NR6A1: variants seen among roughly 807,000 people sequenced by gnomAD.
NR6A1 encodes nuclear receptor subfamily 6 group A member 1, also known as retinoic acid receptor-related testis-associated receptor.
Under a neutral mutation model 59.1 loss-of-function variants are expected in NR6A1, and 7 were observed. That is an observed-to-expected ratio of 0.12 (90% confidence interval 0.07 to 0.22). The LOEUF is 0.22. Ranked by LOEUF, NR6A1 falls within the 10% of genes least tolerant of loss-of-function variation. The pLI is 1.00. For missense variants in NR6A1, 468 were observed against 611.6 expected, an observed-to-expected ratio of 0.77 and a Z score of 2.48; for synonymous variants, 243 against 236.1, an observed-to-expected ratio of 1.03 and a Z score of -0.27.
At chr9:124,752,648 G>A (rs1234117554) in intron 1 of NR6A1, among the ~76,000 whole-genome samples, 1 of 152,066 alleles carries the variant, frequency 6.6e-6, no homozygotes, top group Admixed American at 6.5e-5. Context: ...TGTTTATGAT[G>A]TCTTTACAGT....
chr9:124,586,245 C>A (rs1834929595), intron 2 of NR6A1, among the ~76,000 whole-genome samples: 1 of 152,014 alleles, frequency 6.6e-6, no homozygotes, highest in African/African-American at 2.4e-5. Context: ...ATTCTAGATG[C>A]CATTAAGGAC....
At chr9:124,679,900 G>T (rs1386770635) in intron 2 of NR6A1, among the ~76,000 whole-genome samples, 1 of 106,064 alleles carries the variant, frequency 9.4e-6, no homozygotes, top group Non-Finnish European at 2.0e-5. Context: ...CCATCTCAAA[G>T]AGAAAAAAAA....
chr9:124,688,297 C>T (rs1838409271), intron 2 of NR6A1, among the ~76,000 whole-genome samples: 1 of 151,902 alleles, frequency 6.6e-6, no homozygotes, highest in Non-Finnish European at 1.5e-5. Context: ...TGCACCTCAG[C>T]CTGGGCAACA....
intron 2 of NR6A1, among the ~76,000 whole-genome samples, chr9:124,576,025 G>A (rs927503297): frequency 2.6e-5 from 4 of 152,136 alleles, no homozygotes; most frequent in Non-Finnish European, 5.9e-5. Flanking sequence ...TGCCTGGGGC[G>A]TACTGGGTTT....
intron 2 of NR6A1, among the ~76,000 whole-genome samples, chr9:124,691,892 A>T (rs1047974882): frequency 6.6e-6 from 1 of 152,186 alleles, no homozygotes; most frequent in African/African-American, 2.4e-5. Flanking sequence ...AGAAATTTAC[A>T]TGTTTGACTT....
chr9:124,724,030 TCAA>T (rs780385137), intron 2 of NR6A1, among the ~76,000 whole-genome samples: 13 of 152,220 alleles, frequency 8.5e-5, no homozygotes, highest in African/African-American at 1.4e-4. Flanking sequence ...ATCTAAATGC[TCAA>T]CAATAGGAGG....
rs1003628194 is a variant in NR6A1 at position 124,521,071 on chromosome 9, G to A, written c.*1634C>T. ...GTTGAGGAGACAGCAAACAGCCTTTGACTAAATAGGCAGAAGAAGGTGCCG... is the reference window on the plus strand; with the variant it reads ...GTTGAGGAGACAGCAAACAGCCTTTAACTAAATAGGCAGAAGAAGGTGCCG... On this transcript the variant is annotated 3_prime_UTR_variant, in exon 10 of 10. Transcript: ENST00000487099. 1.2e-4 allele frequency: 19 copies of A among 152,356 alleles called. No individual in the cohort carries two copies. The highest frequency in any genetic ancestry group is 4.6e-4 in the African/African-American group (19 of 41,582). 9.4% of individuals were successfully genotyped at this position (152,356 alleles called of 1,614,324 possible). A position where few individuals can be genotyped will look rare whatever the true frequency, so the allele number is the denominator to read the frequency against.
chr9:124,651,504 T>C (rs1443120253), intron 2 of NR6A1, among the ~76,000 whole-genome samples: 1 of 152,206 alleles, frequency 6.6e-6, no homozygotes, highest in Non-Finnish European at 1.5e-5. Flanking sequence ...AATACCAACT[T>C]AATAAGAATG....
chr9:124,731,644 T>C (rs147350962), intron 2 of NR6A1, among the ~76,000 whole-genome samples: 1 of 152,306 alleles, frequency 6.6e-6, no homozygotes, highest in Non-Finnish European at 1.5e-5. Context: ...TCCTTCAGCA[T>C]GAAGGTGGTG....
intron 2 of NR6A1, among the ~76,000 whole-genome samples, chr9:124,702,711 G>A (rs1192754423): frequency 2.6e-5 from 4 of 151,974 alleles, no homozygotes; most frequent in South Asian, 2.1e-4. Flanking sequence ...CATGTGATGT[G>A]CCTTTTCCCC....
intron 2 of NR6A1, among the ~76,000 whole-genome samples, chr9:124,696,204 C>T (rs1340778783): frequency 6.6e-6 from 1 of 152,064 alleles, no homozygotes; most frequent in East Asian, 1.9e-4. Context: ...AAATGCTAAA[C>T]TCAGCAAGGA....
chr9:124,758,018 T>C (rs548263634), intron 1 of NR6A1, among the ~76,000 whole-genome samples: 1 of 152,358 alleles, frequency 6.6e-6, no homozygotes. Flanking sequence ...AAATGTTAAA[T>C]GCACTTCTTC....
At chr9:124,675,739 G>A (rs1443595986) in intron 2 of NR6A1, among the ~76,000 whole-genome samples, 1 of 152,106 alleles carries the variant, frequency 6.6e-6, no homozygotes, top group Non-Finnish European at 1.5e-5. Flanking sequence ...AAAATATGAT[G>A]GTTAGCAACA....
chr9:124,526,953 G>A (rs369472872), intron 7 of NR6A1, 53 bp from the exon 8 acceptor site: 7 of 1,606,742 alleles, frequency 4.4e-6, no homozygotes, highest in African/African-American at 2.7e-5. Context: ...GTAGGGGCCA[G>A]GAAAGGGCAG....
chr9:124,565,925 A>C (rs1180121420), intron 2 of NR6A1, among the ~76,000 whole-genome samples: 1 of 152,250 alleles, frequency 6.6e-6, no homozygotes, highest in African/African-American at 2.4e-5. Context: ...AAAGTGGAAG[A>C]GACATCTATC....
intron 2 of NR6A1, among the ~76,000 whole-genome samples, chr9:124,604,653 A>G (rs1454297514): frequency 6.6e-6 from 1 of 151,960 alleles, no homozygotes; most frequent in Non-Finnish European, 1.5e-5. Flanking sequence ...TACCAAAAAT[A>G]CAAAAAATTA....
intron 1 of NR6A1, among the ~76,000 whole-genome samples, chr9:124,761,556 G>A (rs1588862274): frequency 6.6e-6 from 1 of 152,312 alleles, no homozygotes; most frequent in East Asian, 1.9e-4. Flanking sequence ...ACCAGAGGAA[G>A]AGATGCCTCT....
chr9:124,722,310 G>C (rs1264275926), intron 2 of NR6A1, among the ~76,000 whole-genome samples: 1 of 152,150 alleles, frequency 6.6e-6, no homozygotes, highest in Non-Finnish European at 1.5e-5. Context: ...CAAGTAAATG[G>C]TAATTTCCTT....
intron 2 of NR6A1, among the ~76,000 whole-genome samples, chr9:124,703,026 T>A (rs1248782763): frequency 6.6e-6 from 1 of 151,378 alleles, no homozygotes; most frequent in Non-Finnish European, 1.5e-5. Flanking sequence ...AGCCTCAGCC[T>A]CCTGAGTAGC....
Sources: allele counts gnomAD v4.1 joint callset (sites outside exome capture counted in the v4.1 genomes callset), GRCh38; gene constraint gnomAD v4.1.1; transcripts MANE v1.5; gene names NCBI Gene and HGNC (gene_info 2026-07-23, HGNC 2026-07-21).